Variants in STMN4 observed in about 807,000 individuals in gnomAD.
STMN4 encodes the protein stathmin 4, also known as stathmin-4.
STMN4 carries 12 observed loss-of-function variants against 29.1 expected under a neutral mutation model. The ratio of observed to expected loss-of-function variants is 0.41; its 90% CI spans 0.26 to 0.67. The LOEUF is 0.67. Ranked by LOEUF, STMN4 falls within the 30% of genes least tolerant of loss-of-function variation. STMN4 has a pLI of 0.30. For missense variants in STMN4, 181 were observed against 262.8 expected (o/e 0.69, Z 2.15); for synonymous variants, 114 against 105.3 (o/e 1.08, Z -0.51).
At chr8:27,243,311 C>A (rs1022276603) in intron 2 of STMN4, among the ~76,000 whole-genome samples, 2 of 152,128 alleles carry the variant, frequency 1.3e-5, no homozygotes, top group Non-Finnish European at 2.9e-5. Context: ...TGGGCTCAAG[C>A]GATCCTTGTG....
intron 3 of STMN4, 120 bp from the exon 4 acceptor site, chr8:27,241,877 C>G (rs771070560): frequency 7.4e-5 from 90 of 1,211,278 alleles, no homozygotes; most frequent in Non-Finnish European, 1.0e-4. Context: ...CCCGAGCACC[C>G]CTGGTGAGGA....
intron 4 of STMN4, 111 bp from the exon 5 acceptor site, chr8:27,241,373 G>T (rs1801465860): frequency 1.5e-6 from 2 of 1,301,226 alleles, no homozygotes; most frequent in Admixed American, 3.6e-5. Flanking sequence ...AAGCAAGCTG[G>T]AGACTGGGGT....
chr8:27,240,986 C>A, intron 5 of STMN4, 68 bp downstream of exon 5: 1 of 1,502,640 alleles, frequency 6.7e-7, no homozygotes, highest in South Asian at 1.3e-5. Flanking sequence ...TCAGGTCCAC[C>A]ACCTGTCTTC....
rs892578845 is a variant in STMN4 at position 27,239,242 on chromosome 8, C to T, written c.591+729G>A. The T allele has an allele frequency of 8.5e-6, 13 of 1,535,470 alleles. No homozygotes were observed. In the African/African-American group the frequency reaches 1.6e-4, roughly 19 times the overall value. On this transcript the variant is annotated intron_variant, in intron 6 of 6. Coordinates refer to ENST00000350889, the MANE Select transcript of STMN4 (RefSeq NM_030795.4). ...GCTGCTCACCATGGGACGAGGCCAC[C>T]GATCAGGTCCCGGGAGTCACCGCGC...
At position 27,236,670 on chromosome 8, in the gene STMN4, G is replaced by T; in HGVS notation, c.*176C>A. Reference sequence around the variant, plus strand: ...TTGTTCCCCGGAAACAAATAGGATGGCTTCACTGGTCAATTCTTAACATGT... The same window carrying T: ...TTGTTCCCCGGAAACAAATAGGATGTCTTCACTGGTCAATTCTTAACATGT... On this transcript the variant is annotated 3_prime_UTR_variant, in exon 7 of 7. Coordinates refer to ENST00000350889, the MANE Select transcript of STMN4 (RefSeq NM_030795.4). 2 of 488,570 alleles carry T rather than the reference G, an allele frequency of 4.1e-6. No individual in the cohort carries two copies. Among genetic ancestry groups the T allele is most frequent in the African/African-American group, 2.0e-5 (1 of 49,786 alleles). The allele number at this position is 488,570 out of a possible 1,614,324, so 30.3% of individuals were successfully genotyped here.
chr8:27,254,020 C>T (rs932343092), intron 1 of STMN4, among the ~76,000 whole-genome samples: 1 of 152,124 alleles, frequency 6.6e-6, no homozygotes, highest in African/African-American at 2.4e-5. Flanking sequence ...CGACCTCAAA[C>T]GATTTGCCCA....
At chr8:27,257,839 C>T (rs900306376) in intron 1 of STMN4, among the ~76,000 whole-genome samples, 3 of 152,112 alleles carry the variant, frequency 2.0e-5, no homozygotes, top group Non-Finnish European at 4.4e-5. Context: ...AGGTGATGAT[C>T]TCATTGCATC....
chr8:27,242,294 T>C, intron 3 of STMN4, 103 bp downstream of exon 3: 1 of 1,157,784 alleles, frequency 8.6e-7, no homozygotes, highest in East Asian at 2.5e-5. Context: ...GGAAACTGTC[T>C]CGGGAGGAGA....
rs182901800 is a variant in STMN4 at position 27,257,715 on chromosome 8, C to A, written c.-79+636G>T. On this transcript the variant is annotated intron_variant, in intron 1 of 6. Coordinates refer to ENST00000350889, the MANE Select transcript of STMN4 (RefSeq NM_030795.4). The stretch of plus-strand genomic sequence containing the variant: ...TAAGGAGGGGGACTGGCCAGGGCCC[C>A]AGTCAAGGACCAGGGCGTGGCAGTT... Among the ~76,000 whole-genome samples the A allele has an allele frequency of 1.2e-3, 185 of 152,208 alleles. 2 individuals carry two copies. The highest frequency in any genetic ancestry group is 4.3e-3 in the African/African-American group (179 of 41,552).
chr8:27,239,220 G>T (rs1433167172), intron 6 of STMN4: 3 of 1,535,214 alleles, frequency 2.0e-6, no homozygotes, highest in Non-Finnish European at 2.6e-6. Context: ...GGACCACGCT[G>T]CTCACCATGG....
Position 27,236,744 on chromosome 8 carries a change from C to T in STMN4, c.*102G>A, listed in dbSNP as rs950438075. ...CGCCCCTTGGCCACCCCCCTCCCCC[C>T]AAACCCCAGTGCTGGGAGCGCAGCC... On this transcript the variant is annotated 3_prime_UTR_variant, in exon 7 of 7. Coordinates refer to ENST00000350889, the MANE Select transcript of STMN4 (RefSeq NM_030795.4). The T allele has an allele frequency of 4.3e-6, 5 of 1,158,200 alleles. No homozygotes were observed. The highest frequency in any genetic ancestry group is 1.9e-5 in the South Asian group (1 of 53,672). The allele number at this position is 1,158,200 out of a possible 1,614,324, so 71.7% of individuals were successfully genotyped here. A position where few individuals can be genotyped will look rare whatever the true frequency, so the allele number is the denominator to read the frequency against.
intron 1 of STMN4, among the ~76,000 whole-genome samples, chr8:27,255,755 G>GCCC (rs1801922643): frequency 2.6e-5 from 4 of 152,064 alleles, no homozygotes; most frequent in Admixed American, 6.5e-5. Context: ...GTTAAAAATG[G>GCCC]CCTAGTCCAG....
At chr8:27,253,700 AT>A (rs34987732) in intron 1 of STMN4, among the ~76,000 whole-genome samples, 64 of 148,908 alleles carry the variant, frequency 4.3e-4, no homozygotes, top group African/African-American at 4.0e-4. Context: ...CATTGATACC[AT>A]TTTTTTTTGT....
At chr8:27,245,095 G>A (rs993635309) in intron 1 of STMN4, among the ~76,000 whole-genome samples, 10 of 152,154 alleles carry the variant, frequency 6.6e-5, no homozygotes, top group Non-Finnish European at 1.5e-4. Context: ...GACCAGTGTG[G>A]GGTCAAATAC....
At chr8:27,243,930 C>T (rs1463958590) in intron 1 of STMN4, 129 bp from the exon 2 acceptor site, 6 of 783,004 alleles carry the variant, frequency 7.7e-6, no homozygotes, top group Non-Finnish European at 1.0e-5. Context: ...GGCCCTCTCC[C>T]CACCAACTCT....
At chr8:27,255,477 T>C (rs1405278430) in intron 1 of STMN4, among the ~76,000 whole-genome samples, 2 of 152,240 alleles carry the variant, frequency 1.3e-5, no homozygotes, top group Non-Finnish European at 2.9e-5. Flanking sequence ...TAAGCCTTTC[T>C]TTGATTATGA....
rs748676215 is a variant in STMN4 at position 27,236,544 on chromosome 8, A to T, written c.*302T>A. 2.2e-5 allele frequency: 5 copies of T among 229,206 alleles called. No homozygotes were observed. Among genetic ancestry groups the T allele is most frequent in the Non-Finnish European group, 3.4e-5 (4 of 118,174 alleles). The allele number at this position is 229,206 out of a possible 1,614,324, so 14.2% of individuals were successfully genotyped here. A position where few individuals can be genotyped will look rare whatever the true frequency, so the allele number is the denominator to read the frequency against. On this transcript the variant is annotated 3_prime_UTR_variant, in exon 7 of 7. Coordinates refer to ENST00000350889, the MANE Select transcript of STMN4 (RefSeq NM_030795.4). ...CTGGAGGCTCAATGTCCAGGTAGAG[A>T]TGTGAAAATCAGATCTGCGCCGGGC...
intron 1 of STMN4, among the ~76,000 whole-genome samples, chr8:27,247,583 G>A (rs1316112259): frequency 1.3e-5 from 2 of 152,196 alleles, no homozygotes; most frequent in African/African-American, 2.4e-5. Context: ...AGGTTGTCTT[G>A]TGGGGTTTGT....
Position 27,246,514 on chromosome 8 carries a change from A to G in STMN4, c.-78-2713T>C, listed in dbSNP as rs1801627822. On this transcript the variant is annotated intron_variant, in intron 1 of 6. Transcript: ENST00000350889. The stretch of plus-strand genomic sequence containing the variant: ...CAGTAGGTTAAATAATGTCCCCTAC[A>G]TGCATACATGCTCATCCTAACTCCT... Among the ~76,000 whole-genome samples, 2 of 152,212 alleles carry G rather than the reference A, an allele frequency of 1.3e-5. 1 individual carries two copies. The highest frequency in any genetic ancestry group is 2.9e-5 in the Non-Finnish European group (2 of 68,022).
Sources: allele counts gnomAD v4.1 joint callset (sites outside exome capture counted in the v4.1 genomes callset), GRCh38; gene constraint gnomAD v4.1.1; transcripts MANE v1.5; gene names NCBI Gene and HGNC (gene_info 2026-07-23, HGNC 2026-07-21).